Variants in SLC34A2 observed in about 807,000 individuals in gnomAD.
SLC34A2 encodes the protein sodium-dependent phosphate transport protein 2B.
In SLC34A2, 41 loss-of-function variants were observed where a neutral mutation model predicts 50.8. The observed-to-expected ratio is 0.81, with a 90% CI of 0.63 to 1.05. SLC34A2 has a LOEUF of 1.05. Ranked by LOEUF, SLC34A2 falls within the 50% of genes least tolerant of loss-of-function variation. The pLI is 0.00. For synonymous variants in SLC34A2, 401 were observed against 364.2 expected, an observed-to-expected ratio of 1.10 and a Z score of -1.15; for missense variants, 879 against 876.7, an observed-to-expected ratio of 1.00 and a Z score of -0.03.
rs1252603109 is a variant in SLC34A2, at chr4:25,677,098, A to G, written c.*349A>G. The G allele has an allele frequency of 9.9e-6, 3 of 302,564 alleles. No homozygotes were observed. The highest frequency in any genetic ancestry group is 4.2e-5 in the African/African-American group (2 of 47,312). 18.7% of individuals were successfully genotyped at this position (302,564 alleles called of 1,614,324 possible). On this transcript the variant is annotated 3_prime_UTR_variant, in exon 13 of 13. Transcript: ENST00000382051. ...CTCAAAAACCATCTTCAGAAAGAAAAGGCCCAGGGAAGGAATGTATGAGAG... is the reference window on the plus strand; with the variant it reads ...CTCAAAAACCATCTTCAGAAAGAAAGGGCCCAGGGAAGGAATGTATGAGAG...
At position 25,676,759 on chromosome 4, in the gene SLC34A2, C is replaced by T; in HGVS notation, c.*10C>T. On this transcript the variant is annotated 3_prime_UTR_variant, in exon 13 of 13. Transcript: ENST00000382051. Reference sequence around the variant, plus strand: ...ATGCACGGCCTTGTAGGGGACGCCCCAGATTGTCAGGGATGGGGGGATGGT... The same window carrying T: ...ATGCACGGCCTTGTAGGGGACGCCCTAGATTGTCAGGGATGGGGGGATGGT... The T allele has an allele frequency of 6.2e-7, 1 of 1,614,082 alleles. No homozygotes were observed. Among genetic ancestry groups the T allele is most frequent in the Non-Finnish European group, 8.5e-7 (1 of 1,180,020 alleles).
At chr4:25,657,378 G>C (rs1713937750) in intron 1 of SLC34A2, among the ~76,000 whole-genome samples, 1 of 151,998 alleles carries the variant, frequency 6.6e-6, no homozygotes, top group Admixed American at 6.6e-5. Flanking sequence ...GGGACCGCAG[G>C]GAGCAATCAG....
intron 1 of SLC34A2, among the ~76,000 whole-genome samples, chr4:25,657,634 A>G (rs998304167): frequency 6.6e-5 from 10 of 152,250 alleles, no homozygotes; most frequent in South Asian, 2.1e-4. Flanking sequence ...ATATGGCCCA[A>G]GTTTAAAGTT....
At position 25,677,016 on chromosome 4, in the gene SLC34A2, G is replaced by A. The variant is rs567508540; in HGVS notation, c.*267G>A. The A allele has an allele frequency of 2.9e-5, 15 of 514,782 alleles. No homozygotes were observed. The highest frequency in any genetic ancestry group is 4.5e-5 in the Non-Finnish European group (13 of 286,496). The allele number at this position is 514,782 out of a possible 1,614,324, so 31.9% of individuals were successfully genotyped here. A position where few individuals can be genotyped will look rare whatever the true frequency, so the allele number is the denominator to read the frequency against. ...AAGAGAATTAGAGAATGAACCTGGC[G>A]GGACGGATGTCTAATCCTGCGCCTA... On this transcript the variant is annotated 3_prime_UTR_variant, in exon 13 of 13. Coordinates refer to ENST00000382051, the MANE Select transcript of SLC34A2 (RefSeq NM_006424.3).
rs979605443 is a variant in SLC34A2 at position 25,672,413 on chromosome 4, A to G, written c.1049-674A>G. ...AGGGCACTGGGGCTGTAGCTCTTGA[A>G]CGGGCAGTGAGCTTGCATGATGCTC... On this transcript the variant is annotated intron_variant, in intron 9 of 12. Coordinates refer to ENST00000382051, the MANE Select transcript of SLC34A2 (RefSeq NM_006424.3). Among the ~76,000 whole-genome samples the G allele has an allele frequency of 7.2e-5, 11 of 152,276 alleles. 1 individual carries two copies. Among genetic ancestry groups the G allele is most frequent in the Admixed American group, 2.0e-4 (3 of 15,288 alleles).
At chr4:25,668,329 C>T (rs1244082315) in intron 6 of SLC34A2, among the ~76,000 whole-genome samples, 1 of 152,144 alleles carries the variant, frequency 6.6e-6, no homozygotes, top group Non-Finnish European at 1.5e-5. Context: ...CGCTGGGTGG[C>T]GGAATTGAAG....
rs1715017197 is a variant in SLC34A2 at position 25,674,648 on chromosome 4, G to A, written c.1458+19G>A. ...ACTCCAGGTCAGGACTTGGGGCACG[G>A]GGACAGGGGCCCTGGGAGTGGGACC... On this transcript the variant is annotated intron_variant, in intron 12 of 12. Coordinates refer to ENST00000382051, the MANE Select transcript of SLC34A2 (RefSeq NM_006424.3). 13 of 1,613,994 alleles carry A rather than the reference G, an allele frequency of 8.1e-6. No homozygotes were observed. The highest frequency in any genetic ancestry group is 1.1e-5 in the Non-Finnish European group (13 of 1,179,836).
rs1714909206 is a variant in SLC34A2 at position 25,673,168 on chromosome 4, G to GTGGT, written c.1133_1136dup (p.Cys379TrpfsTer29). ...CTCATACTCTCCCTGCTGGTCCTCT[G>GTGGT]TGGTTGCCTGATCATGATTGTCAAG... On this transcript the variant is annotated frameshift_variant, in exon 10 of 13. Transcript: ENST00000382051. LOFTEE classifies it high-confidence loss of function. 2 of 1,614,016 alleles carry GTGGT rather than the reference G, an allele frequency of 1.2e-6. No homozygotes were observed. Among genetic ancestry groups the GTGGT allele is most frequent in the Non-Finnish European group, 8.5e-7 (1 of 1,180,040 alleles).
intron 8 of SLC34A2, among the ~76,000 whole-genome samples, 163 bp downstream of exon 8, chr4:25,670,996 C>A (rs1316725919): frequency 6.6e-6 from 1 of 152,176 alleles, no homozygotes; most frequent in Non-Finnish European, 1.5e-5. Context: ...GAAAACAAGT[C>A]CTTGAATGAA....
At chr4:25,665,797 A>C (rs1714464768) in intron 4 of SLC34A2, among the ~76,000 whole-genome samples, 2 of 152,126 alleles carry the variant, frequency 1.3e-5, no homozygotes, top group Non-Finnish European at 2.9e-5. Flanking sequence ...TGAGCACAGA[A>C]GGGCTTGCTG....
rs74949705 is a variant in SLC34A2, at chr4:25,674,479, A to G, written c.1334-26A>G. 3,490 of 1,614,042 alleles carry G rather than the reference A, an allele frequency of 2.2e-3. 58 individuals are homozygous for G. In the African/African-American group the frequency reaches 0.039, roughly 18 times the overall value. ...TTTCCTGTCATCCCATGGGGCTGAT[A>G]TGTTTGTGTTTTGTGTTTCCCCCAG... On this transcript the variant is annotated intron_variant, in intron 11 of 12. Transcript: ENST00000382051.
At position 25,667,932 on chromosome 4, in the gene SLC34A2, G is replaced by T. The variant is rs772094347; in HGVS notation, c.576G>T (p.Thr192=). ...TTATCATGGGGGCCAACATTGGAAC[G>T]TCAATCACCAACACTATTGTTGCGC... ...IPIIMGANIG[T]SITNTIVALM... The change falls in exon 6 of 13, where the codon ACG becomes ACT. Residue 192 remains threonine, a synonymous_variant. Transcript: ENST00000382051. The T allele has an allele frequency of 2.5e-6, 4 of 1,613,950 alleles. No homozygotes were observed. In the African/African-American group the frequency reaches 5.3e-5, roughly 22 times the overall value.
chr4:25,663,630 G>C (rs999352167), intron 3 of SLC34A2, among the ~76,000 whole-genome samples: 3 of 152,108 alleles, frequency 2.0e-5, no homozygotes, highest in Non-Finnish European at 4.4e-5. Flanking sequence ...GGTGTGGGGT[G>C]GGGAGGAGAG....
intron 1 of SLC34A2, among the ~76,000 whole-genome samples, chr4:25,660,726 G>T (rs1714135316): frequency 1.3e-5 from 2 of 152,258 alleles, no homozygotes; most frequent in South Asian, 2.1e-4. Context: ...TGTATTTTTA[G>T]TAGAGACGGG....
Position 25,674,502 on chromosome 4 carries a change from C to T in SLC34A2, c.1334-3C>T. On this transcript the variant is annotated splice_region_variant and splice_polypyrimidine_tract_variant and intron_variant, in intron 11 of 12. Coordinates refer to ENST00000382051, the MANE Select transcript of SLC34A2 (RefSeq NM_006424.3). ...ATATGTTTGTGTTTTGTGTTTCCCC[C>T]AGGAATCGGCGTGATAACCATTGAG... 2 of 1,614,210 alleles carry T rather than the reference C, an allele frequency of 1.2e-6. No homozygotes were observed. Among genetic ancestry groups the T allele is most frequent in the Non-Finnish European group, 1.7e-6 (2 of 1,180,046 alleles).
At chr4:25,665,542 C>T (rs933149985) in intron 4 of SLC34A2, among the ~76,000 whole-genome samples, 2 of 152,138 alleles carry the variant, frequency 1.3e-5, no homozygotes, top group African/African-American at 4.8e-5. Flanking sequence ...TTATCTCAGA[C>T]AAATCACCTG....
In SLC34A2 at chr4:25,668,653, A is replaced by T. The variant is rs547294957; in HGVS notation, c.635+662A>T. 2.4e-3 allele frequency among the ~76,000 whole-genome samples: 360 copies of T among 151,316 alleles called. 2 individuals carry two copies. The highest frequency in any genetic ancestry group is 6.8e-3 in the Middle Eastern group (2 of 294). On this transcript the variant is annotated intron_variant, in intron 6 of 12. Coordinates refer to ENST00000382051, the MANE Select transcript of SLC34A2 (RefSeq NM_006424.3). ...TGAGACTCCATCTAAAAAAAAAAAA[A>T]AAAATAAATAAATACTGTTTTGTTT... is the stretch of plus-strand genomic sequence containing the variant.
In SLC34A2 at chr4:25,678,715, T is replaced by G; in HGVS notation, c.*1966T>G. Reference sequence around the variant, plus strand: ...TTTTTTTTTTTTTTTTTACTGGTTATGGGAAGGGAGAAATAAAATCATCAA... The same window carrying G: ...TTTTTTTTTTTTTTTTTACTGGTTAGGGGAAGGGAGAAATAAAATCATCAA... On this transcript the variant is annotated 3_prime_UTR_variant, in exon 13 of 13. Coordinates refer to ENST00000382051, the MANE Select transcript of SLC34A2 (RefSeq NM_006424.3). The G allele has an allele frequency of 3.2e-5, 14 of 443,062 alleles. No homozygotes were observed. Among genetic ancestry groups the G allele is most frequent in the South Asian group, 6.5e-5 (2 of 30,610 alleles). The allele number at this position is 443,062 out of a possible 1,614,324, so 27.4% of individuals were successfully genotyped here.
rs567469050 is a variant in SLC34A2 at position 25,677,609 on chromosome 4, T to A, written c.*860T>A. The A allele has an allele frequency of 6.6e-6, 1 of 152,338 alleles. No individual in the cohort carries two copies. The highest frequency in any genetic ancestry group is 1.9e-4 in the East Asian group (1 of 5,176). The allele number at this position is 152,338 out of a possible 1,614,324, so 9.4% of individuals were successfully genotyped here. ...ATTCAAAAGCATTGTGGCTAAAGTC[T>A]AACGCTCCTCTCTTGGTCAGATAAC... On this transcript the variant is annotated 3_prime_UTR_variant, in exon 13 of 13. Transcript: ENST00000382051.
Sources: gnomAD v4.1 joint callset for allele counts (sites outside exome capture counted in the v4.1 genomes callset) on GRCh38, gnomAD v4.1.1 for gene constraint, MANE v1.5 for transcripts, NCBI Gene and HGNC (gene_info 2026-07-23, HGNC 2026-07-21) for gene names.